HSPE1: variants seen among roughly 807,000 people sequenced by gnomAD.
The protein encoded by HSPE1 is 10 kDa heat shock protein, mitochondrial.
In HSPE1, 1 loss-of-function variant was observed where a neutral mutation model predicts 13.2. The observed-to-expected ratio is 0.08, with a 90% CI of 0.03 to 0.36. HSPE1 has a LOEUF of 0.36. Among genes scored for constraint, HSPE1 ranks in the 10% least tolerant of loss-of-function variants. HSPE1 has a pLI of 0.99. For synonymous variants in HSPE1, 44 were observed against 42.0 expected, an observed-to-expected ratio of 1.05 and a Z score of -0.19; for missense variants, 73 against 118.7, an observed-to-expected ratio of 0.62 and a Z score of 1.79.
Position 197,503,190 on chromosome 2 carries a change from T to C in HSPE1, c.259-19T>C, listed in dbSNP as rs776028460. The C allele has an allele frequency of 6.2e-7, 1 of 1,602,286 alleles. No individual in the cohort carries two copies. Among genetic ancestry groups the C allele is most frequent in the Non-Finnish European group, 8.5e-7 (1 of 1,169,720 alleles). ...ATTTGCAATTAGTTGTCTTAACTAA[T>C]GGTTTTTTTCACTTGCAGGATTATT... On this transcript the variant is annotated intron_variant, in intron 3 of 3. Transcript: ENST00000233893.
At chr2:197,501,436 G>C (rs2086253875) in intron 2 of HSPE1, 198 bp downstream of exon 2, 2 of 592,070 alleles carry the variant, frequency 3.4e-6, no homozygotes, top group Admixed American at 3.5e-5. Flanking sequence ...ATGCTATGAT[G>C]CTTATTTTAT....
chr2:197,500,849 G>A, intron 1 of HSPE1: 1 of 600,936 alleles, frequency 1.7e-6, no homozygotes, highest in Non-Finnish European at 2.9e-6. Flanking sequence ...AGCTGGTCTG[G>A]TTGCTCACCG....
At chr2:197,500,517 G>A in intron 1 of HSPE1, 78 bp downstream of exon 1, 4 of 998,580 alleles carry the variant, frequency 4.0e-6, no homozygotes, top group Non-Finnish European at 6.1e-6. Context: ...CCCCTCTTTT[G>A]TTGGGCTGGG....
At chr2:197,500,638 G>A in intron 1 of HSPE1, 199 bp downstream of exon 1, 1 of 770,354 alleles carries the variant, frequency 1.3e-6, no homozygotes, top group Non-Finnish European at 2.1e-6. Flanking sequence ...GTGTGCTGCC[G>A]GTGTGTAAGG....
intron 1 of HSPE1, 112 bp from the exon 2 acceptor site, chr2:197,500,962 T>G (rs1406253918): frequency 3.2e-6 from 4 of 1,234,404 alleles, no homozygotes; most frequent in Non-Finnish European, 4.5e-6. Flanking sequence ...AAGCTGAGGT[T>G]TGGTGTTAAC....
intron 1 of HSPE1, 136 bp downstream of exon 1, chr2:197,500,575 G>A (rs2086238454): frequency 2.2e-6 from 3 of 1,334,468 alleles, no homozygotes; most frequent in Non-Finnish European, 3.1e-6. Context: ...ATGGCACCTT[G>A]GAGCGGCAAG....
intron 2 of HSPE1, among the ~76,000 whole-genome samples, chr2:197,502,242 T>C (rs1349097993): frequency 1.3e-5 from 2 of 152,218 alleles, no homozygotes; most frequent in Non-Finnish European, 2.9e-5. Flanking sequence ...GATATTTCTT[T>C]TGCAATTTTT....
At chr2:197,503,181 CT>C in intron 3 of HSPE1, 27 bp from the exon 4 acceptor site, 2 of 1,561,372 alleles carry the variant, frequency 1.3e-6, no homozygotes, top group South Asian at 2.2e-5. Flanking sequence ...AATTAGTTGT[CT>C]TAACTAATGG....
chr2:197,500,812 C>T (rs997814686), intron 1 of HSPE1: 7 of 585,452 alleles, frequency 1.2e-5, no homozygotes, highest in Non-Finnish European at 1.8e-5. Flanking sequence ...AACATTTGAC[C>T]TTGGAATAAA....
chr2:197,500,818 A>G, intron 1 of HSPE1: 1 of 588,676 alleles, frequency 1.7e-6, no homozygotes, highest in Middle Eastern at 4.5e-4. Flanking sequence ...TGACCTTGGA[A>G]TAAACTAAGG....
chr2:197,501,266 T>C, intron 2 of HSPE1, 28 bp downstream of exon 2: 1 of 1,584,272 alleles, frequency 6.3e-7, no homozygotes, highest in Non-Finnish European at 8.6e-7. Flanking sequence ...TGGAACTATT[T>C]TTTATAGTGT....
At chr2:197,500,953 A>G in intron 1 of HSPE1, 121 bp from the exon 2 acceptor site, 1 of 1,149,516 alleles carries the variant, frequency 8.7e-7, no homozygotes, top group Non-Finnish European at 1.2e-6. Flanking sequence ...TTAACGAATA[A>G]GCTGAGGTTT....
At position 197,503,420 on chromosome 2, in the gene HSPE1, A is replaced by G; in HGVS notation, c.*161A>G. The G allele has an allele frequency of 2.1e-6, 1 of 474,754 alleles. No individual in the cohort carries two copies. The allele number at this position is 474,754 out of a possible 1,614,324, so 29.4% of individuals were successfully genotyped here. A position where few individuals can be genotyped will look rare whatever the true frequency, so the allele number is the denominator to read the frequency against. ...CAAAATTGTTTCCTTGTACTGATATAAACACTTCCAAATAAAAATATGTAA... is the reference window on the plus strand; with the variant it reads ...CAAAATTGTTTCCTTGTACTGATATGAACACTTCCAAATAAAAATATGTAA... On this transcript the variant is annotated 3_prime_UTR_variant, in exon 4 of 4. Transcript: ENST00000233893.
rs139114485 is a variant in HSPE1 at position 197,501,176 on chromosome 2, A to G, written c.106A>G (p.Lys36Glu). ...VTKGGIMLPE[K>E]SQGKVLQATV... is the part of the protein sequence containing the mutation. The stretch of plus-strand genomic sequence containing the variant: ...CAAAGGAGGCATTATGCTTCCAGAA[A>G]AATCTCAAGGAAAAGTATTGCAAGC... The change falls in exon 2 of 4, where the codon AAA becomes GAA. Residue 36 changes from lysine (K) to glutamate (E), a missense_variant. By Grantham distance (56) the Lys-to-Glu change is moderately conservative. Coordinates refer to ENST00000233893, the MANE Select transcript of HSPE1 (RefSeq NM_002157.3). 1.0e-4 allele frequency: 162 copies of G among 1,614,196 alleles called. No individual in the cohort carries two copies. Among genetic ancestry groups the G allele is most frequent in the Middle Eastern group, 9.9e-4 (6 of 6,062 alleles).
rs1168094180 is a variant in HSPE1, at chr2:197,501,062, C to G, written c.4-12C>G. On this transcript the variant is annotated splice_polypyrimidine_tract_variant and intron_variant, in intron 1 of 3. Coordinates refer to ENST00000233893, the MANE Select transcript of HSPE1 (RefSeq NM_002157.3). ...ATTTAGTTTTTGTTTCAAAACATTT[C>G]TCTTCCTACAGGCAGGACAAGCGTT... 6.2e-7 allele frequency: 1 copy of G among 1,602,528 alleles called. No homozygotes were observed. Among genetic ancestry groups the G allele is most frequent in the South Asian group, 1.1e-5 (1 of 89,884 alleles).
At chr2:197,502,695 C>A (rs567038174) in intron 2 of HSPE1, among the ~76,000 whole-genome samples, 2 of 152,164 alleles carry the variant, frequency 1.3e-5, no homozygotes, top group African/African-American at 4.8e-5. Context: ...GCTACTGTTG[C>A]AGGTTTATTT....
intron 2 of HSPE1, among the ~76,000 whole-genome samples, chr2:197,501,870 G>C (rs932994729): frequency 1.3e-5 from 2 of 152,068 alleles, no homozygotes; most frequent in Admixed American, 6.6e-5. Context: ...GAGGCTGTGC[G>C]TGGTGGCTCA....
chr2:197,500,959 G>C, intron 1 of HSPE1, 115 bp from the exon 2 acceptor site: 1 of 1,203,750 alleles, frequency 8.3e-7, no homozygotes, highest in Non-Finnish European at 1.2e-6. Flanking sequence ...AATAAGCTGA[G>C]GTTTGGTGTT....
intron 2 of HSPE1, among the ~76,000 whole-genome samples, chr2:197,502,399 G>A (rs2086268504): frequency 6.6e-6 from 1 of 152,166 alleles, no homozygotes; most frequent in South Asian, 2.1e-4. Flanking sequence ...GGCTTCTAAA[G>A]ATCTCAGCCA....
Sources: gnomAD v4.1 joint callset for allele counts (sites outside exome capture counted in the v4.1 genomes callset) on GRCh38, gnomAD v4.1.1 for gene constraint, MANE v1.5 for transcripts, NCBI Gene and HGNC (gene_info 2026-07-23, HGNC 2026-07-21) for gene names.